STAMBPL1: variants seen among roughly 807,000 people sequenced by gnomAD.
STAMBPL1 encodes the protein AMSH-like protease.
A neutral mutation model predicts 52.9 loss-of-function variants in STAMBPL1; 44 were observed. That is an observed-to-expected ratio of 0.83 (90% CI 0.65 to 1.07). STAMBPL1 has a LOEUF of 1.07. STAMBPL1 is among the 50% of genes least tolerant of loss of function. The pLI is 0.00. For missense variants in STAMBPL1, 511 were observed against 520.8 expected, an observed-to-expected ratio of 0.98 and a Z score of 0.18; for synonymous variants, 164 against 177.3, an observed-to-expected ratio of 0.92 and a Z score of 0.60.
At position 88,922,354 on chromosome 10, in the gene STAMBPL1, T is replaced by C. The variant is rs1254274503; in HGVS notation, c.1172T>C (p.Leu391Pro). The part of the protein sequence containing the change: ...PKHKDTGIFR[L>P]TNAGMLEVSA... Reference sequence around the variant, plus strand: ...AAATTTAGCACTGGCATCTTCAGGCTCACCAATGCTGGCATGCTTGAGGTT... The same window carrying C: ...AAATTTAGCACTGGCATCTTCAGGCCCACCAATGCTGGCATGCTTGAGGTT... The change falls in exon 10 of 11, where the codon CTC becomes CCC. Residue 391 changes from leucine (L) to proline (P), a missense_variant. Physicochemically the swap from Leu to Pro is moderately conservative, Grantham distance 98 (BLOSUM62 -3). Coordinates refer to ENST00000371926, the MANE Select transcript of STAMBPL1 (RefSeq NM_020799.4). The C allele has an allele frequency of 6.2e-7, 1 of 1,613,464 alleles. No homozygotes were observed. The highest frequency in any genetic ancestry group is 1.1e-5 in the South Asian group (1 of 91,056).
chr10:88,918,156 A>T (rs1656904195), intron 8 of STAMBPL1, among the ~76,000 whole-genome samples: 1 of 152,144 alleles, frequency 6.6e-6, no homozygotes, highest in Non-Finnish European at 1.5e-5. Context: ...TCCCACTGAG[A>T]TGGGATACTG....
rs1434651983 is a variant in STAMBPL1 at position 88,880,538 on chromosome 10, C to T, written c.-154C>T. The T allele has an allele frequency of 6.6e-6, 1 of 152,246 alleles. No individual in the cohort carries two copies. Among genetic ancestry groups the T allele is most frequent in the African/African-American group, 2.4e-5 (1 of 41,464 alleles). The allele number at this position is 152,246 out of a possible 1,614,324, so 9.4% of individuals were successfully genotyped here. On this transcript the variant is annotated 5_prime_UTR_variant, in exon 1 of 11. Coordinates refer to ENST00000371926, the MANE Select transcript of STAMBPL1 (RefSeq NM_020799.4). ...CCTTCCAGCAAAAGCCACCGCGGCCCGGGTTGCAGCAGCCGGACGGATGCC... is the reference window on the plus strand; with the variant it reads ...CCTTCCAGCAAAAGCCACCGCGGCCTGGGTTGCAGCAGCCGGACGGATGCC...
intron 1 of STAMBPL1, among the ~76,000 whole-genome samples, chr10:88,899,105 G>A (rs1844881212): frequency 6.6e-6 from 1 of 152,240 alleles, no homozygotes. Context: ...GTCTGGGGCA[G>A]TGTTCTTGGA....
chr10:88,913,331 C>T lies in STAMBPL1; in HGVS notation c.651C>T (p.His217=). Residue 217 remains histidine (H), a synonymous_variant, in exon 6 of 11, where the codon CAC becomes CAT. Transcript: ENST00000371926. ...GCGCTTTGTCCTGCTTTTCCACACA[C>T]CAGAACAATTCCTTGCTGAATGTAT... ...DGSALSCFST[H]QNNSLLNVFA... The T allele has an allele frequency of 6.2e-7, 1 of 1,613,878 alleles. No individual in the cohort carries two copies. The highest frequency in any genetic ancestry group is 8.5e-7 in the Non-Finnish European group (1 of 1,179,848).
chr10:88,883,335 CAAAACAAAACA>C (rs1221397847), intron 1 of STAMBPL1, among the ~76,000 whole-genome samples: 1 of 152,124 alleles, frequency 6.6e-6, no homozygotes, highest in Non-Finnish European at 1.5e-5. Context: ...GTAACAAAAT[CAAAACAAAACA>C]AAAACAAAAC....
intron 1 of STAMBPL1, among the ~76,000 whole-genome samples, chr10:88,892,819 G>T (rs1844721852): frequency 6.6e-6 from 1 of 152,154 alleles, no homozygotes; most frequent in East Asian, 1.9e-4. Context: ...CCATTTTGTA[G>T]AACTACTGTC....
chr10:88,887,826 T>A (rs1589349150), intron 1 of STAMBPL1, among the ~76,000 whole-genome samples: 2 of 152,308 alleles, frequency 1.3e-5, no homozygotes, highest in South Asian at 4.2e-4. Flanking sequence ...CCAACAGCCT[T>A]CCTTTTAACA....
In STAMBPL1 at chr10:88,913,231, TCAAGAAG is replaced by T; in HGVS notation, c.557_563del (p.Lys186SerfsTer2). 6.2e-7 allele frequency: 1 copy of T among 1,613,872 alleles called. No homozygotes were observed. Among genetic ancestry groups the T allele is most frequent in the Non-Finnish European group, 8.5e-7 (1 of 1,179,852 alleles). Reference sequence around the variant, plus strand: ...CAGTTTCTGTTTTTCGAAGATCAACTCAAGAAGCAAGAGTTAGCCCGAGGTCAAATGC... The same window carrying T: ...CAGTTTCTGTTTTTCGAAGATCAACTCAAGAGTTAGCCCGAGGTCAAATGC... On this transcript the variant is annotated frameshift_variant, in exon 6 of 11. Coordinates refer to ENST00000371926, the MANE Select transcript of STAMBPL1 (RefSeq NM_020799.4). LOFTEE classifies it high-confidence loss of function.
At chr10:88,885,006 GT>G (rs1449497313) in intron 1 of STAMBPL1, among the ~76,000 whole-genome samples, 2 of 152,180 alleles carry the variant, frequency 1.3e-5, no homozygotes, top group Non-Finnish European at 2.9e-5. Flanking sequence ...ACAAAATTAA[GT>G]GCTATATGTG....
chr10:88,910,261 G>A (rs544185887), intron 4 of STAMBPL1, among the ~76,000 whole-genome samples: 10 of 152,212 alleles, frequency 6.6e-5, no homozygotes, highest in East Asian at 1.9e-4. Flanking sequence ...GCATAATACC[G>A]AACAGGACTT....
intron 1 of STAMBPL1, among the ~76,000 whole-genome samples, chr10:88,899,710 A>G (rs999070822): frequency 6.6e-6 from 1 of 151,854 alleles, no homozygotes; most frequent in African/African-American, 2.4e-5. Context: ...GAGTTTCACC[A>G]CGTTGCCCAG....
chr10:88,911,588 A>G (rs772100557), intron 5 of STAMBPL1, among the ~76,000 whole-genome samples: 2 of 152,172 alleles, frequency 1.3e-5, no homozygotes, highest in Non-Finnish European at 2.9e-5. Flanking sequence ...TGGCCAGTGA[A>G]TGTATGGGAT....
chr10:88,912,392 G>C (rs923479119), intron 5 of STAMBPL1: 1 of 152,180 alleles, frequency 6.6e-6, no homozygotes, highest in African/African-American at 2.4e-5. Context: ...TATTTTGTTA[G>C]AACTGGAGAG....
chr10:88,903,819 G>A (rs779052883), intron 2 of STAMBPL1, among the ~76,000 whole-genome samples: 2 of 152,176 alleles, frequency 1.3e-5, no homozygotes, highest in Non-Finnish European at 2.9e-5. Context: ...GGGAAGCCAC[G>A]TAATAAAATG....
At chr10:88,901,534 AG>A (rs985666626) in intron 1 of STAMBPL1, 121 bp from the exon 2 acceptor site, 3 of 465,322 alleles carry the variant, frequency 6.4e-6, no homozygotes, top group African/African-American at 6.1e-5. Flanking sequence ...CTAAACACTC[AG>A]GTTATATAGG....
chr10:88,906,557 A>G (rs1402440556), intron 3 of STAMBPL1, among the ~76,000 whole-genome samples: 1 of 152,256 alleles, frequency 6.6e-6, no homozygotes, highest in Non-Finnish European at 1.5e-5. Context: ...TGATACATAT[A>G]TGCTTATATT....
At chr10:88,882,554 A>ATT (rs1331834304) in intron 1 of STAMBPL1, 7 of 152,242 alleles carry the variant, frequency 4.6e-5, no homozygotes, top group Non-Finnish European at 1.0e-4. Context: ...TGCCCAAAAC[A>ATT]TGAGAAGTAG....
Position 88,922,428 on chromosome 10 carries a change from C to A in STAMBPL1, c.1246C>A (p.Leu416Met). ...TCATCCACACACCAAGGAGCCCAGGCTGTTCAGTGTGAGTACATCATATTA... is the reference window on the plus strand; with the variant it reads ...TCATCCACACACCAAGGAGCCCAGGATGTTCAGTGTGAGTACATCATATTA... ...GFHPHTKEPR[L>M]FSICKHVLVK... Residue 416 changes from leucine to methionine, a missense_variant, in exon 10 of 11, where the codon CTG (leucine) becomes ATG (methionine). Physicochemically the swap from Leu to Met is conservative, Grantham distance 15. This residue lies in a region of STAMBPL1 where 137 missense variants were observed against 139.9 expected (regional missense o/e 0.98). Coordinates refer to ENST00000371926, the MANE Select transcript of STAMBPL1 (RefSeq NM_020799.4). The A allele has an allele frequency of 2.5e-6, 4 of 1,613,158 alleles. No homozygotes were observed. Among genetic ancestry groups the A allele is most frequent in the Non-Finnish European group, 3.4e-6 (4 of 1,179,466 alleles).
At chr10:88,920,123 T>TG (rs1394210128) in intron 8 of STAMBPL1, among the ~76,000 whole-genome samples, 1 of 152,214 alleles carries the variant, frequency 6.6e-6, no homozygotes, top group Non-Finnish European at 1.5e-5. Context: ...AGTGTTGGGA[T>TG]TACAGGCATG....
Sources: allele counts gnomAD v4.1 joint callset (sites outside exome capture counted in the v4.1 genomes callset), GRCh38; gene constraint gnomAD v4.1.1; regional missense constraint gnomAD v4.1.1; transcripts MANE v1.5; gene names NCBI Gene and HGNC (gene_info 2026-07-23, HGNC 2026-07-21).